The following TXNDC9 variants were observed in gnomAD, a reference collection of about 807,000 sequenced individuals.
TXNDC9 encodes the protein thioredoxin domain containing 9.
In TXNDC9, 7 loss-of-function variants were observed where a neutral mutation model predicts 23.0. The ratio of observed to expected loss-of-function variants is 0.30; its 90% CI spans 0.17 to 0.57. TXNDC9 has a LOEUF of 0.57. Among genes scored for constraint, TXNDC9 ranks in the 20% least tolerant of loss-of-function variants. The pLI is 0.90. For missense variants in TXNDC9, 198 were observed against 252.6 expected (o/e 0.78, Z 1.47); for synonymous variants, 72 against 90.6 (o/e 0.79, Z 1.17).
chr2:99,321,792 A>G (rs112045344), intron 4 of TXNDC9, 163 bp downstream of exon 4: 1 of 786,288 alleles, frequency 1.3e-6, no homozygotes. Flanking sequence ...AATCACGCTA[A>G]TATTACACAC....
In TXNDC9 at chr2:99,333,221, G is replaced by T; in HGVS notation, c.-11C>A. 5 of 1,610,892 alleles carry T rather than the reference G, an allele frequency of 3.1e-6. No individual in the cohort carries two copies. Among genetic ancestry groups the T allele is most frequent in the Non-Finnish European group, 4.2e-6 (5 of 1,178,056 alleles). Reference sequence around the variant, plus strand: ...TGCATCAGCTTCCATTCTTCCAAATGGTACAGAGTTCAGCCTGGGTGCTGG... The same window carrying T: ...TGCATCAGCTTCCATTCTTCCAAATTGTACAGAGTTCAGCCTGGGTGCTGG... On this transcript the variant is annotated 5_prime_UTR_variant, in exon 2 of 5. Transcript: ENST00000264255.
Position 99,322,117 on chromosome 2 carries a change from A to C in TXNDC9, c.401T>G (p.Leu134Arg). The change falls in exon 4 of 5, where the codon CTT becomes CGT. Residue 134 changes from leucine (L) to arginine (R), a missense_variant. By Grantham distance (102) the Leu-to-Arg change is moderately radical. Transcript: ENST00000264255. ...LKLNVEKAPF[L>R]CERLHIKVIP... Reference sequence around the variant, plus strand: ...GACTTTGATATGCAGTCTCTCACAAAGGAAAGGTGCTTTTTCCACATTCAG... The same window carrying C: ...GACTTTGATATGCAGTCTCTCACAACGGAAAGGTGCTTTTTCCACATTCAG... The C allele has an allele frequency of 6.2e-7, 1 of 1,614,184 alleles. No homozygotes were observed. The highest frequency in any genetic ancestry group is 8.5e-7 in the Non-Finnish European group (1 of 1,180,030).
the TXNDC9 span, among the ~76,000 whole-genome samples, chr2:99,308,516 T>G: frequency 6.6e-6 from 1 of 152,100 alleles, no homozygotes; most frequent in South Asian, 2.1e-4. Context: ...CTATTTTAAT[T>G]TTAGGCCTGT....
chr2:99,319,957 G>T (rs2094197636), intron 4 of TXNDC9, among the ~76,000 whole-genome samples, 158 bp from the exon 5 acceptor site: 1 of 152,080 alleles, frequency 6.6e-6, no homozygotes, highest in Non-Finnish European at 1.5e-5. Context: ...TGATATTGAT[G>T]GTTAATAGCC....
At chr2:99,325,007 G>A (rs994716385) in intron 3 of TXNDC9, among the ~76,000 whole-genome samples, 15 of 152,318 alleles carry the variant, frequency 9.8e-5, no homozygotes, top group African/African-American at 3.6e-4. Context: ...GCCTCCCAAA[G>A]TACTGGGATT....
downstream of TXNDC9, among the ~76,000 whole-genome samples, chr2:99,316,978 G>C (rs139723776): frequency 6.6e-6 from 1 of 152,028 alleles, no homozygotes; most frequent in African/African-American, 2.4e-5. Flanking sequence ...GGACGGTCTC[G>C]ATCTCCCGAC....
downstream of TXNDC9, among the ~76,000 whole-genome samples, chr2:99,317,559 GGGAAAGGTTCTAGTTAGTTA>G (rs1318313525): frequency 6.6e-6 from 1 of 152,030 alleles, no homozygotes; most frequent in Non-Finnish European, 1.5e-5. Flanking sequence ...CTGATCTTTC[GGGAAAGGTTCTAGTTAGTTA>G]GAACCTCTTT....
intron 2 of TXNDC9, 127 bp from the exon 3 acceptor site, chr2:99,327,780 T>G (rs1574907973): frequency 1.0e-5 from 6 of 600,336 alleles, no homozygotes; most frequent in East Asian, 3.2e-5. Context: ...GTTTTTTTTT[T>G]GTTTGTTTTT....
chr2:99,327,694 C>G, intron 2 of TXNDC9, 41 bp from the exon 3 acceptor site: 1 of 1,253,184 alleles, frequency 8.0e-7, no homozygotes, highest in South Asian at 1.3e-5. Context: ...TGTGAGATAT[C>G]TCTTTCAGAA....
intron 4 of TXNDC9, 52 bp downstream of exon 4, chr2:99,321,903 A>C: frequency 6.8e-7 from 1 of 1,463,724 alleles, no homozygotes; most frequent in Non-Finnish European, 9.1e-7. Flanking sequence ...CTTTTGTAAA[A>C]ATATCAACTA....
chr2:99,325,364 G>A (rs944447154), intron 3 of TXNDC9, among the ~76,000 whole-genome samples: 8 of 152,180 alleles, frequency 5.3e-5, no homozygotes, highest in African/African-American at 1.7e-4. Flanking sequence ...TACTAGGTGA[G>A]TCAATTTCTC....
chr2:99,318,383 C>T (rs531938325), downstream of TXNDC9, among the ~76,000 whole-genome samples: 11 of 151,760 alleles, frequency 7.2e-5, no homozygotes, highest in African/African-American at 2.4e-4. Context: ...ACCAAGTTAG[C>T]GAGAATGGTC....
At chr2:99,333,360 G>A (rs967401620) in intron 1 of TXNDC9, 118 bp from the exon 2 acceptor site, 8 of 769,456 alleles carry the variant, frequency 1.0e-5, no homozygotes, top group Admixed American at 3.3e-5. Context: ...GTATTCTAAC[G>A]ACATCCAAGC....
In TXNDC9 at chr2:99,329,507, C is replaced by A. The variant is rs192306697; in HGVS notation, c.190-1854G>T. On this transcript the variant is annotated intron_variant, in intron 2 of 4. Coordinates refer to ENST00000264255, the MANE Select transcript of TXNDC9 (RefSeq NM_005783.4). ...GTGGCCCAGACTATATTGATGACTG[C>A]GGTGTCAAAATCACATCCATTTACA... Among the ~76,000 whole-genome samples, 346 of 152,276 alleles carry A rather than the reference C, an allele frequency of 2.3e-3. 4 individuals carry two copies. The highest frequency in any genetic ancestry group is 8.1e-3 in the African/African-American group (337 of 41,542).
downstream of TXNDC9, among the ~76,000 whole-genome samples, chr2:99,317,477 T>C (rs1237745117): frequency 2.6e-5 from 4 of 152,208 alleles, no homozygotes; most frequent in African/African-American, 7.2e-5. Context: ...AGTCTGGGCG[T>C]GTGCAGTCAC....
intron 1 of TXNDC9, among the ~76,000 whole-genome samples, chr2:99,335,594 CA>C (rs2094237112): frequency 6.6e-6 from 1 of 152,114 alleles, no homozygotes; most frequent in Non-Finnish European, 1.5e-5. Flanking sequence ...AGAAAAATGT[CA>C]GTAGGACTGT....
In TXNDC9 at chr2:99,322,478, C is replaced by T. The variant is rs951037572; in HGVS notation, c.309-269G>A. 23 of 1,357,042 alleles carry T rather than the reference C, an allele frequency of 1.7e-5. 1 individual carries two copies. The highest frequency in any genetic ancestry group is 1.9e-4 in the Middle Eastern group (1 of 5,284). 84.1% of individuals were successfully genotyped at this position (1,357,042 alleles called of 1,614,324 possible). A position where few individuals can be genotyped will look rare whatever the true frequency, so the allele number is the denominator to read the frequency against. ...AAAATATTAAATATATGCTTTAAGT[C>T]ATAAAGGAAGTTGTCCTATCTCCTA... On this transcript the variant is annotated intron_variant, in intron 3 of 4. Transcript: ENST00000264255.
chr2:99,315,239 T>G (rs548141145), downstream of TXNDC9, among the ~76,000 whole-genome samples: 471 of 151,736 alleles, frequency 3.1e-3, 2 homozygotes, highest in Non-Finnish European at 5.5e-3. Context: ...ATTTTTTTTT[T>G]TATTTTTAGT....
At chr2:99,332,038 C>T (rs1368865278) in intron 2 of TXNDC9, among the ~76,000 whole-genome samples, 1 of 152,168 alleles carries the variant, frequency 6.6e-6, no homozygotes, top group Non-Finnish European at 1.5e-5. Context: ...TCAAAACTCC[C>T]TATTTCTTCA....
Sources: gnomAD v4.1 joint callset for allele counts (sites outside exome capture counted in the v4.1 genomes callset) on GRCh38, gnomAD v4.1.1 for gene constraint, MANE v1.5 for transcripts, NCBI Gene and HGNC (gene_info 2026-07-23, HGNC 2026-07-21) for gene names.